ITGA2B: variants seen among roughly 807,000 people sequenced by gnomAD.
ITGA2B encodes integrin subunit alpha 2b.
ITGA2B carries 91 observed loss-of-function variants against 142.0 expected under a neutral mutation model. The observed-to-expected ratio is 0.64, with a 90% confidence interval of 0.54 to 0.76. The LOEUF is 0.76. Among genes scored for constraint, ITGA2B ranks in the 30% least tolerant of loss-of-function variants. The pLI, the probability that ITGA2B is intolerant of heterozygous loss-of-function variation, is 0.00. For missense variants in ITGA2B, 1,231 were observed against 1,350.8 expected, an observed-to-expected ratio of 0.91 and a Z score of 1.39; for synonymous variants, 536 against 567.2, an observed-to-expected ratio of 0.94 and a Z score of 0.78.
intron 29 of ITGA2B, among the ~76,000 whole-genome samples, chr17:44,373,343 T>G (rs927527911): frequency 1.3e-5 from 2 of 151,844 alleles, no homozygotes; most frequent in African/African-American, 4.8e-5. Context: ...TCACCATGTT[T>G]GTCAGGCTGG....
At position 44,378,604 on chromosome 17, in the gene ITGA2B, G is replaced by GA. The variant is rs764029146; in HGVS notation, c.1946+38dup. Reference sequence around the variant, plus strand: ...AGGTGTGGAGCAGGTATGATAGGCAGAAAGGGCCAGGGTCGGGCAGAATGG... The same window carrying GA: ...AGGTGTGGAGCAGGTATGATAGGCAGAAAAGGGCCAGGGTCGGGCAGAATGG... On this transcript the variant is annotated intron_variant, in intron 19 of 29. Transcript: ENST00000262407. 6.3e-6 allele frequency: 10 copies of GA among 1,584,114 alleles called. No individual in the cohort carries two copies. In the South Asian group the frequency reaches 1.2e-4, roughly 18 times the overall value.
In ITGA2B at chr17:44,385,160, G is replaced by C. The variant is rs2048633441; in HGVS notation, c.670+4C>G. On this transcript the variant is annotated splice_donor_region_variant and intron_variant, in intron 6 of 29. Transcript: ENST00000262407. Reference sequence around the variant, plus strand: ...GGGAGGGAGGTGTACGGATGGGCACGTACCTAAGAAATAATAGCCGCCAGG... The same window carrying C: ...GGGAGGGAGGTGTACGGATGGGCACCTACCTAAGAAATAATAGCCGCCAGG... 3 of 1,614,060 alleles carry C rather than the reference G, an allele frequency of 1.9e-6. No individual in the cohort carries two copies. The highest frequency in any genetic ancestry group is 1.7e-6 in the Non-Finnish European group (2 of 1,180,022).
chr17:44,381,642 T>A (rs935624794), intron 12 of ITGA2B, among the ~76,000 whole-genome samples: 11 of 150,978 alleles, frequency 7.3e-5, no homozygotes, highest in African/African-American at 2.7e-4. Context: ...CTTTTAAAAT[T>A]TTTTTATTTT....
intron 21 of ITGA2B, among the ~76,000 whole-genome samples, chr17:44,377,447 G>T (rs1196536214): frequency 2.6e-5 from 4 of 152,040 alleles, no homozygotes; most frequent in Non-Finnish European, 4.4e-5. Flanking sequence ...ACCCGTCTCG[G>T]CCTCCCAGAG....
rs1302560709 is a variant in ITGA2B, at chr17:44,386,136, A to G, written c.189-5T>C. The G allele has an allele frequency of 1.3e-6, 2 of 1,592,628 alleles. No individual in the cohort carries two copies. The highest frequency in any genetic ancestry group is 1.7e-6 in the Non-Finnish European group (2 of 1,172,120). On this transcript the variant is annotated splice_polypyrimidine_tract_variant and splice_region_variant and intron_variant, in intron 1 of 29. Transcript: ENST00000262407. ...GCGCCCACCACGATGGCCACTCTGC[A>G]TAGGAAAGCTGGGTGAGCGCCGCGC...
At chr17:44,381,089 C>T (rs757045038) in intron 12 of ITGA2B, 28 bp from the exon 13 acceptor site, 1 of 1,608,826 alleles carries the variant, frequency 6.2e-7, no homozygotes, top group South Asian at 1.1e-5. Flanking sequence ...AAGGAAGTGG[C>T]TGATTGTTAT....
chr17:44,374,727 C>T lies in ITGA2B; in HGVS notation c.2875G>A (p.Ala959Thr), dbSNP rs760338159. Residue 959 changes from alanine to threonine, a missense_variant, in exon 28 of 30, where the codon GCA (alanine) becomes ACA (threonine). Physicochemically the swap from Ala to Thr is moderately conservative, Grantham distance 58 (BLOSUM62 0). Transcript: ENST00000262407. ...GGGAGGGAGGACACGTTGAACCATG[C>T]GTGCGACTGCAGCACAAACTGATCC... ...PLDQFVLQSH[A>T]WFNVSSLPYA... The T allele has an allele frequency of 1.9e-6, 3 of 1,613,920 alleles. No homozygotes were observed. The highest frequency in any genetic ancestry group is 2.5e-6 in the Non-Finnish European group (3 of 1,180,010).
At chr17:44,384,061 C>A in intron 10 of ITGA2B, 24 bp downstream of exon 10, 1 of 1,613,752 alleles carries the variant, frequency 6.2e-7, no homozygotes, top group Non-Finnish European at 8.5e-7. Context: ...CACCCAGCCA[C>A]GCCCACTGGG....
chr17:44,375,084 C>G lies in ITGA2B; in HGVS notation c.2755G>C (p.Val919Leu), dbSNP rs2143432209. The change falls in exon 27 of 30, where the codon GTG becomes CTG. Residue 919 changes from valine (V) to leucine (L), a missense_variant. Physicochemically the swap from Val to Leu is conservative, Grantham distance 32. Around this residue, in one of 3 missense-constraint regions of ITGA2B, gnomAD observed 908 missense variants for 1,021.1 expected, o/e 0.89. Coordinates refer to ENST00000262407, the MANE Select transcript of ITGA2B (RefSeq NM_000419.5). The part of the protein sequence containing the change: ...VSCDSAPCTV[V>L]QCDLQEMARG... ...GCCATCTCCTGCAGGTCACACTGCACCACAGTACAGGGCGCCGAGTCGCAG... is the reference window on the plus strand; with the variant it reads ...GCCATCTCCTGCAGGTCACACTGCAGCACAGTACAGGGCGCCGAGTCGCAG... The G allele has an allele frequency of 6.5e-7, 1 of 1,549,096 alleles. No homozygotes were observed. Among genetic ancestry groups the G allele is most frequent in the Middle Eastern group, 1.7e-4 (1 of 5,938 alleles).
Position 44,383,869 on chromosome 17 carries a change from A to G in ITGA2B, c.998+25T>C, listed in dbSNP as rs780595493. ...CTGGTAATTTGGGACCCAACTGGGT[A>G]GGGGTGGGGCATGTCCCTCCTCACC... On this transcript the variant is annotated intron_variant, in intron 11 of 29. Coordinates refer to ENST00000262407, the MANE Select transcript of ITGA2B (RefSeq NM_000419.5). 13 of 1,612,092 alleles carry G rather than the reference A, an allele frequency of 8.1e-6. No individual in the cohort carries two copies. The Admixed American group carries it at 1.2e-4, about 14-fold the overall frequency.
intron 29 of ITGA2B, 93 bp from the exon 30 acceptor site, chr17:44,372,516 C>G: frequency 9.0e-7 from 1 of 1,108,964 alleles, no homozygotes; most frequent in Non-Finnish European, 1.4e-6. Context: ...GAGCACCTCC[C>G]TGGACCAGCG....
Position 44,380,231 on chromosome 17 carries a change from C to T in ITGA2B, c.1600+15G>A, listed in dbSNP as rs1567901985. Reference sequence around the variant, plus strand: ...TCCAAGCCCACCTCCCTCCTGCCCCCTTCATGCCACTCACATAGCTTCTGA... The same window carrying T: ...TCCAAGCCCACCTCCCTCCTGCCCCTTTCATGCCACTCACATAGCTTCTGA... On this transcript the variant is annotated intron_variant, in intron 16 of 29. Coordinates refer to ENST00000262407, the MANE Select transcript of ITGA2B (RefSeq NM_000419.5). The T allele has an allele frequency of 1.9e-6, 3 of 1,614,178 alleles. No homozygotes were observed. Among genetic ancestry groups the T allele is most frequent in the East Asian group, 2.2e-5 (1 of 44,882 alleles).
chr17:44,379,796 C>G lies in ITGA2B; in HGVS notation c.1771G>C (p.Asp591His). ...CTGAGCACAATGGGGCTCAGCTTGT[C>G]CCGGAAGTCTGCCTCATCCTAGGAC... ...AFLRDEADFR[D>H]KLSPIVLSLN... Residue 591 changes from aspartate (D) to histidine (H), a missense_variant, in exon 18 of 30, where the codon GAC becomes CAC. Physicochemically the swap from Asp to His is moderately conservative, Grantham distance 81. Coordinates refer to ENST00000262407, the MANE Select transcript of ITGA2B (RefSeq NM_000419.5). 2 of 1,613,868 alleles carry G rather than the reference C, an allele frequency of 1.2e-6. No individual in the cohort carries two copies. Among genetic ancestry groups the G allele is most frequent in the Non-Finnish European group, 1.7e-6 (2 of 1,179,994 alleles).
In ITGA2B at chr17:44,379,633, C is replaced by T. The variant is rs2048575834; in HGVS notation, c.1878+56G>A. The T allele has an allele frequency of 3.7e-6, 6 of 1,613,232 alleles. No homozygotes were observed. The East Asian group carries it at 1.1e-4, about 30-fold the overall frequency. On this transcript the variant is annotated intron_variant, in intron 18 of 29. Coordinates refer to ENST00000262407, the MANE Select transcript of ITGA2B (RefSeq NM_000419.5). Reference sequence around the variant, plus strand: ...ATTGTGACTTGGCACTAACCCTAATCCTGATTTGCTATCAGGGGTCCTGCA... The same window carrying T: ...ATTGTGACTTGGCACTAACCCTAATTCTGATTTGCTATCAGGGGTCCTGCA...
rs757116551 is a variant in ITGA2B, at chr17:44,372,385, T to A, written c.3099A>T (p.Glu1033Asp). 16 of 1,613,944 alleles carry A rather than the reference T, an allele frequency of 9.9e-6. No individual in the cohort carries two copies. The highest frequency in any genetic ancestry group is 3.3e-5 in the Admixed American group (2 of 59,980). ...FFKRNRPPLEEDDEEGE is the reference protein window; with the variant it reads ...FFKRNRPPLEDDDEEGE ...ACCATCACTCCCCCTCTTCATCATC[T>A]TCTTCCAGGGGTGGCCGGTTCCGCT... is the stretch of plus-strand genomic sequence containing the variant. Residue 1033 changes from glutamate to aspartate, a missense_variant, in exon 30 of 30, where the codon GAA becomes GAT. Physicochemically the swap from Glu to Asp is conservative, Grantham distance 45. Coordinates refer to ENST00000262407, the MANE Select transcript of ITGA2B (RefSeq NM_000419.5).
intron 1 of ITGA2B, 67 bp downstream of exon 1, chr17:44,389,218 GC>G: frequency 1.3e-6 from 2 of 1,544,506 alleles, no homozygotes; most frequent in Non-Finnish European, 1.8e-6. Context: ...GAAACTCGAA[GC>G]CCCCAGAAGC....
rs1301694069 is a variant in ITGA2B at position 44,375,876 on chromosome 17, C to G, written c.2558G>C (p.Gly853Ala). The change falls in exon 25 of 30, where the codon GGG becomes GCG. Residue 853 changes from glycine (G) to alanine (A), a missense_variant. Coordinates refer to ENST00000262407, the MANE Select transcript of ITGA2B (RefSeq NM_000419.5). ...AGGCTGTGGGAAGCACTGAAGGCCC[C>G]CCTGGGGCTGTATATCCAGGATGTA... Reference protein sequence around the residue: ...LLYILDIQPQGGLQCFPQPPV... With the variant: ...LLYILDIQPQAGLQCFPQPPV... 6.2e-7 allele frequency: 1 copy of G among 1,603,876 alleles called. No individual in the cohort carries two copies. The highest frequency in any genetic ancestry group is 8.5e-7 in the Non-Finnish European group (1 of 1,175,618).
chr17:44,384,213 T>C (rs1271672505), intron 9 of ITGA2B, 75 bp from the exon 10 acceptor site: 6 of 1,582,868 alleles, frequency 3.8e-6, no homozygotes, highest in Admixed American at 1.7e-5. Context: ...GAAAGGGTGG[T>C]TTGGTGGAGG....
chr17:44,379,839 C>T, intron 17 of ITGA2B, 25 bp from the exon 18 acceptor site: 1 of 1,613,684 alleles, frequency 6.2e-7, no homozygotes, highest in Non-Finnish European at 8.5e-7. Context: ...AGAGTCAGGC[C>T]ATCTTGCTAC....
Sources: gnomAD v4.1 joint callset for allele counts (sites outside exome capture counted in the v4.1 genomes callset) on GRCh38, gnomAD v4.1.1 for gene constraint, gnomAD v4.1.1 regional missense constraint, MANE v1.5 for transcripts, NCBI Gene and HGNC (gene_info 2026-07-23, HGNC 2026-07-21) for gene names.